Variants in MGAM2 observed in about 807,000 individuals in gnomAD.
The protein encoded by MGAM2 is probable maltase-glucoamylase 2.
Under a neutral mutation model 96.1 loss-of-function variants are expected in MGAM2, and 98 were observed. The ratio of observed to expected loss-of-function variants is 1.02; its 90% CI spans 0.87 to 1.21. The LOEUF is 1.21. Among genes scored for constraint, MGAM2 ranks in the 50% most tolerant of loss-of-function variants. The pLI, the probability that MGAM2 is intolerant of heterozygous loss-of-function variation, is 0.00. For missense variants in MGAM2, 2,055 were observed against 1,182.4 expected, an observed-to-expected ratio of 1.74 and a Z score of -10.82; for synonymous variants, 749 against 414.8, an observed-to-expected ratio of 1.81 and a Z score of -9.79.
At chr7:142,146,909 G>A (rs1795404615) in intron 14 of MGAM2, among the ~76,000 whole-genome samples, 1 of 151,972 alleles carries the variant, frequency 6.6e-6, no homozygotes, top group Non-Finnish European at 1.5e-5. Flanking sequence ...TGTAATTTTA[G>A]TAAAGACGGG....
intron 46 of MGAM2, among the ~76,000 whole-genome samples, chr7:142,216,492 A>G (rs80241527): frequency 0.011 from 1,625 of 152,290 alleles, 34 homozygotes; most frequent in African/African-American, 0.037. Context: ...AATGAAAGAA[A>G]GATCGCAACT....
intron 45 of MGAM2, 50 bp from the exon 46 acceptor site, chr7:142,208,523 C>T (rs1161345960): frequency 1.4e-6 from 1 of 697,716 alleles, no homozygotes; most frequent in East Asian, 2.7e-5. Flanking sequence ...TTATTTGCTG[C>T]AATTGAAGCA....
chr7:142,152,686 C>T (rs957276788), intron 15 of MGAM2, among the ~76,000 whole-genome samples: 2 of 152,136 alleles, frequency 1.3e-5, no homozygotes, highest in South Asian at 2.1e-4. Context: ...TATTAGAAAG[C>T]GGGAAAGAAG....
chr7:142,209,102 G>T (rs1007050988), intron 46 of MGAM2, among the ~76,000 whole-genome samples: 2 of 152,086 alleles, frequency 1.3e-5, no homozygotes, highest in African/African-American at 4.8e-5. Flanking sequence ...TTAGTCTTGG[G>T]TCTATTGGGC....
chr7:142,160,351 G>A (rs1360314372), intron 21 of MGAM2, 93 bp downstream of exon 21: 2 of 578,362 alleles, frequency 3.5e-6, no homozygotes, highest in Admixed American at 3.1e-5. Context: ...TTGTGGATGA[G>A]CCAAGGGATA....
At position 142,167,288 on chromosome 7, in the gene MGAM2, G is replaced by T. The variant is rs765473169; in HGVS notation, c.2829G>T (p.Val943=). 33 of 699,370 alleles carry T rather than the reference G, an allele frequency of 4.7e-5. No homozygotes were observed. The Middle Eastern group carries it at 9.3e-4, about 20-fold the overall frequency. The allele number at this position is 699,370 out of a possible 1,614,324, so 43.3% of individuals were successfully genotyped here. A position where few individuals can be genotyped will look rare whatever the true frequency, so the allele number is the denominator to read the frequency against. ...CLWEDTSTPG[V]PTCYYDTIPN... Reference sequence around the variant, plus strand: ...TCCAGGACACATCTACTCCTGGAGTGCCCACCTGTTACTATGACACCATCC... The same window carrying T: ...TCCAGGACACATCTACTCCTGGAGTTCCCACCTGTTACTATGACACCATCC... Residue 943 remains valine, a synonymous_variant, in exon 26 of 48, where the codon GTG becomes GTT. Transcript: ENST00000477922.
intron 3 of MGAM2, among the ~76,000 whole-genome samples, chr7:142,124,775 G>A (rs2129075355): frequency 6.6e-6 from 1 of 152,104 alleles, no homozygotes; most frequent in South Asian, 2.1e-4. Context: ...TAGAGCTTTT[G>A]CACATGGTTT....
chr7:142,160,878 A>G (rs955975508), intron 21 of MGAM2, among the ~76,000 whole-genome samples: 3 of 152,150 alleles, frequency 2.0e-5, no homozygotes, highest in Non-Finnish European at 2.9e-5. Context: ...AATTGTTGGT[A>G]TTATGTATTG....
At chr7:142,141,404 T>A (rs149095283) in intron 12 of MGAM2, among the ~76,000 whole-genome samples, 2 of 152,284 alleles carry the variant, frequency 1.3e-5, no homozygotes, top group East Asian at 3.9e-4. Context: ...AAATTTCTCT[T>A]TCCCAAGACA....
intron 35 of MGAM2, among the ~76,000 whole-genome samples, chr7:142,186,958 A>G (rs1796719692): frequency 6.7e-6 from 1 of 148,202 alleles, no homozygotes; most frequent in Middle Eastern, 3.2e-3. Context: ...CTGGGGTAGT[A>G]TTTTTTTTTT....
intron 2 of MGAM2, among the ~76,000 whole-genome samples, chr7:142,117,699 C>T (rs1251555017): frequency 6.6e-6 from 1 of 152,088 alleles, no homozygotes; most frequent in African/African-American, 2.4e-5. Context: ...AAGACACTTT[C>T]TAGGAACTAT....
intron 3 of MGAM2, among the ~76,000 whole-genome samples, chr7:142,127,589 AG>A: frequency 6.6e-6 from 1 of 152,230 alleles, no homozygotes; most frequent in East Asian, 1.9e-4. Flanking sequence ...CAGTGTGTCA[AG>A]GGTGGGCCAG....
At chr7:142,209,282 C>G (rs75963906) in intron 46 of MGAM2, among the ~76,000 whole-genome samples, 1,624 of 152,104 alleles carry the variant, frequency 0.011, 34 homozygotes, top group African/African-American at 0.037. Flanking sequence ...TTTTTTGTAT[C>G]GAGTTGACTA....
intron 1 of MGAM2, among the ~76,000 whole-genome samples, chr7:142,116,360 C>T (rs377262218): frequency 1.3e-5 from 2 of 152,128 alleles, no homozygotes; most frequent in African/African-American, 4.8e-5. Flanking sequence ...ATTTTTGTTA[C>T]CAGATCCTTG....
intron 45 of MGAM2, among the ~76,000 whole-genome samples, chr7:142,200,558 A>G (rs1797189461): frequency 6.6e-6 from 1 of 152,204 alleles, no homozygotes; most frequent in Admixed American, 6.5e-5. Context: ...CCTCTAACTC[A>G]GAATTTTCTA....
intron 36 of MGAM2, 58 bp from the exon 37 acceptor site, chr7:142,189,309 A>C (rs1796796190): frequency 3.4e-6 from 2 of 594,016 alleles, no homozygotes; most frequent in Non-Finnish European, 6.1e-6. Flanking sequence ...AATGATGGGC[A>C]TTTCTAGTGA....
At chr7:142,196,484 G>A (rs2129099920) in intron 38 of MGAM2, 81 bp from the exon 39 acceptor site, 2 of 701,598 alleles carry the variant, frequency 2.9e-6, no homozygotes, top group East Asian at 5.4e-5. Context: ...TTTCTAATGG[G>A]GTAAGGAAAA....
chr7:142,162,451 T>A (rs1163399167), intron 23 of MGAM2, among the ~76,000 whole-genome samples: 1 of 152,034 alleles, frequency 6.6e-6, no homozygotes, highest in Non-Finnish European at 1.5e-5. Context: ...AGAACATCAC[T>A]TGCCTCATAT....
chr7:142,166,405 A>T (rs1796028011), intron 25 of MGAM2, among the ~76,000 whole-genome samples, 152 bp downstream of exon 25: 1 of 152,216 alleles, frequency 6.6e-6, no homozygotes, highest in Non-Finnish European at 1.5e-5. Context: ...TATTTTCCTC[A>T]GACATCCCAA....
Sources: gnomAD v4.1 joint callset for allele counts (sites outside exome capture counted in the v4.1 genomes callset) on GRCh38, gnomAD v4.1.1 for gene constraint, MANE v1.5 for transcripts, NCBI Gene and HGNC (gene_info 2026-07-23, HGNC 2026-07-21) for gene names.